Variants in MGAT4C observed in about 807,000 individuals in gnomAD.
MGAT4C encodes the protein MGAT4 family member C.
Under a neutral mutation model 40.1 loss-of-function variants are expected in MGAT4C, and 19 were observed. That is an observed-to-expected ratio of 0.47 (90% CI 0.33 to 0.70). MGAT4C has a LOEUF of 0.70. Among genes scored for constraint, MGAT4C ranks in the 30% least tolerant of loss-of-function variants. MGAT4C has a pLI of 0.02. For missense variants in MGAT4C, 491 were observed against 563.2 expected, an observed-to-expected ratio of 0.87 and a Z score of 1.30; for synonymous variants, 181 against 187.1, an observed-to-expected ratio of 0.97 and a Z score of 0.27.
At chr12:86,509,460 G>T (rs1424674877) in intron 2 of MGAT4C, among the ~76,000 whole-genome samples, 2 of 152,170 alleles carry the variant, frequency 1.3e-5, no homozygotes, top group Non-Finnish European at 2.9e-5. Flanking sequence ...TTTACTTACT[G>T]TAACCTTGTA....
At chr12:86,825,675 A>G (rs1273874923) in intron 1 of MGAT4C, among the ~76,000 whole-genome samples, 2 of 151,488 alleles carry the variant, frequency 1.3e-5, no homozygotes, top group Non-Finnish European at 3.0e-5. Context: ...TTGACAGAAT[A>G]TTTAAAGACA....
intron 1 of MGAT4C, among the ~76,000 whole-genome samples, chr12:86,761,755 A>G (rs879172789): frequency 6.6e-6 from 1 of 151,964 alleles, no homozygotes; most frequent in Non-Finnish European, 1.5e-5. Flanking sequence ...CATCCCTCCA[A>G]CCTCTGCTTC....
chr12:86,575,953 G>A (rs932536205), intron 2 of MGAT4C, among the ~76,000 whole-genome samples: 7 of 151,760 alleles, frequency 4.6e-5, no homozygotes, highest in Admixed American at 2.6e-4. Context: ...CACCAACAAC[G>A]TACAATGTCC....
intron 1 of MGAT4C, among the ~76,000 whole-genome samples, chr12:86,231,478 G>C (rs1472292984): frequency 6.6e-6 from 1 of 152,012 alleles, no homozygotes; most frequent in Non-Finnish European, 1.5e-5. Flanking sequence ...TAAGGCAGAG[G>C]GTTTAATTAA....
At chr12:86,416,204 AT>A (rs1345078003) in intron 3 of MGAT4C, among the ~76,000 whole-genome samples, 1 of 152,068 alleles carries the variant, frequency 6.6e-6, no homozygotes, top group East Asian at 1.9e-4. Context: ...TGTTGGAAGT[AT>A]TTTTTATTCA....
intron 3 of MGAT4C, among the ~76,000 whole-genome samples, chr12:86,431,282 T>A (rs1175643320): frequency 2.0e-5 from 3 of 152,140 alleles, no homozygotes; most frequent in Non-Finnish European, 4.4e-5. Context: ...GGTCTCTGCC[T>A]CCTTTCTTTG....
chr12:86,718,222 TTGTTTA>T (rs2136640798), intron 2 of MGAT4C, among the ~76,000 whole-genome samples: 1 of 152,312 alleles, frequency 6.6e-6, no homozygotes, highest in African/African-American at 2.4e-5. Context: ...AACTGACCCA[TTGTTTA>T]TGTTTTTTTC....
rs1962916411 is a variant in MGAT4C, at chr12:86,628,853, AC to A, written c.-229+98355del. ...ACTGCATCAACTAAAGGGCAAAATA[AC>A]CAGCTAACATCATAATGACAGGAAC... is the stretch of plus-strand genomic sequence containing the variant. On this transcript the variant is annotated intron_variant, in intron 2 of 7. Coordinates refer to the MGAT4C transcript ENST00000548651. Among the ~76,000 whole-genome samples, 14 of 152,318 alleles carry A rather than the reference AC, an allele frequency of 9.2e-5. No homozygotes were observed. The South Asian group carries it at 2.9e-3, about 32-fold the overall frequency.
At chr12:86,580,063 A>G (rs1175126937) in intron 2 of MGAT4C, among the ~76,000 whole-genome samples, 3 of 151,374 alleles carry the variant, frequency 2.0e-5, no homozygotes, top group African/African-American at 7.3e-5. Flanking sequence ...ATCTTCTTGT[A>G]CTTGGATATT....
intron 3 of MGAT4C, among the ~76,000 whole-genome samples, chr12:86,383,456 G>A (rs753094679): frequency 2.7e-5 from 4 of 145,788 alleles, no homozygotes; most frequent in Non-Finnish European, 4.5e-5. Context: ...GGAGGCTGAG[G>A]CAGGAGAATC....
chr12:86,653,406 A>T (rs893453216), intron 2 of MGAT4C, among the ~76,000 whole-genome samples: 2 of 151,950 alleles, frequency 1.3e-5, no homozygotes, highest in African/African-American at 2.4e-5. Context: ...ATAAAGGGGA[A>T]ATTAATGACA....
intron 1 of MGAT4C, among the ~76,000 whole-genome samples, chr12:86,810,624 A>G (rs1017469529): frequency 2.6e-5 from 4 of 151,840 alleles, no homozygotes; most frequent in Non-Finnish European, 5.9e-5. Flanking sequence ...GATATGGTAG[A>G]TAACATTATT....
intron 1 of MGAT4C, among the ~76,000 whole-genome samples, chr12:86,228,645 T>G (rs1335327472): frequency 6.6e-6 from 1 of 151,130 alleles, no homozygotes; most frequent in South Asian, 2.1e-4. Context: ...GGAAGAGAAA[T>G]AAGGATTTGC....
chr12:86,344,717 GGTGTGTGTGTGTGT>G (rs71076188), intron 3 of MGAT4C, among the ~76,000 whole-genome samples: 36 of 139,508 alleles, frequency 2.6e-4, no homozygotes, highest in South Asian at 5.0e-4. Flanking sequence ...ATCTCTTCTC[GGTGTGTGTGTGTGT>G]GTGTGTGTGT....
chr12:86,559,427 T>C (rs1185974555), intron 2 of MGAT4C, among the ~76,000 whole-genome samples: 1 of 151,692 alleles, frequency 6.6e-6, no homozygotes, highest in East Asian at 1.9e-4. Flanking sequence ...CAAAAAAACA[T>C]AAAGATACCA....
chr12:86,205,012 A>T (rs894395817), intron 1 of MGAT4C, among the ~76,000 whole-genome samples: 1 of 152,050 alleles, frequency 6.6e-6, no homozygotes, highest in Non-Finnish European at 1.5e-5. Context: ...ATAATGGCAC[A>T]GAGAAAAATG....
chr12:86,227,786 A>G (rs1425350304), intron 1 of MGAT4C, among the ~76,000 whole-genome samples: 2 of 151,912 alleles, frequency 1.3e-5, no homozygotes, highest in Non-Finnish European at 2.9e-5. Flanking sequence ...TAGAAACATC[A>G]TTTTGTGTCT....
In MGAT4C at chr12:86,629,812, A is replaced by G. The variant is rs370344792; in HGVS notation, c.-229+97397T>C. On this transcript the variant is annotated intron_variant, in intron 2 of 7. Transcript: ENST00000548651. The stretch of plus-strand genomic sequence containing the variant: ...CACAAGAGAAAGCAAGAAAGATCTA[A>G]AATCGACACCCTAACATCACAATTA... 3.2e-4 allele frequency among the ~76,000 whole-genome samples: 49 copies of G among 152,306 alleles called. No homozygotes were observed. In the East Asian group the frequency reaches 8.5e-3, roughly 26 times the overall value.
At chr12:86,437,218 A>G (rs1243348900) in intron 2 of MGAT4C, among the ~76,000 whole-genome samples, 1 of 151,818 alleles carries the variant, frequency 6.6e-6, no homozygotes, top group Non-Finnish European at 1.5e-5. Flanking sequence ...GAAATTCTTA[A>G]TGCTTATATT....
Sources: gnomAD v4.1 joint callset for allele counts (sites outside exome capture counted in the v4.1 genomes callset) on GRCh38, gnomAD v4.1.1 for gene constraint, MANE v1.5 for transcripts, NCBI Gene and HGNC (gene_info 2026-07-23, HGNC 2026-07-21) for gene names.